The following ERC2 variants were observed in gnomAD, a reference collection of about 807,000 sequenced individuals.
ERC2 encodes the protein ERC protein 2.
ERC2 carries 42 observed loss-of-function variants against 114.8 expected under a neutral mutation model. The ratio of observed to expected loss-of-function variants is 0.37; its 90% confidence interval spans 0.29 to 0.47. ERC2 has a LOEUF of 0.47. Among genes scored for constraint, ERC2 ranks in the 20% least tolerant of loss-of-function variants. The pLI is 0.99. For missense variants in ERC2, 939 were observed against 1,150.7 expected (o/e 0.82, Z 2.66); for synonymous variants, 454 against 425.5 (o/e 1.07, Z -0.82).
intron 3 of ERC2, chr3:56,173,783 T>C (rs2082816158): frequency 1.8e-5 from 8 of 446,230 alleles, no homozygotes; most frequent in Non-Finnish European, 3.2e-5. Flanking sequence ...CAAGTAATCA[T>C]AGTCCAAATA....
intron 2 of ERC2, among the ~76,000 whole-genome samples, chr3:56,356,421 G>A (rs949963676): frequency 4.6e-5 from 7 of 152,168 alleles, no homozygotes; most frequent in African/African-American, 1.7e-4. Context: ...TCATGTAGGT[G>A]GACGGAGCCC....
At chr3:55,736,906 C>G (rs1032299356) in intron 14 of ERC2, among the ~76,000 whole-genome samples, 1 of 152,164 alleles carries the variant, frequency 6.6e-6, no homozygotes, top group African/African-American at 2.4e-5. Flanking sequence ...AATAGCTCTC[C>G]TGGGTGTGTT....
At chr3:56,417,744 A>G (rs2061223564) in intron 2 of ERC2, among the ~76,000 whole-genome samples, 1 of 152,362 alleles carries the variant, frequency 6.6e-6, no homozygotes, top group Admixed American at 6.5e-5. Context: ...AAAACAAAGC[A>G]GGAACCCAGA....
intron 2 of ERC2, among the ~76,000 whole-genome samples, chr3:56,406,116 C>T (rs1158753613): frequency 7.2e-6 from 1 of 138,752 alleles, no homozygotes; most frequent in Non-Finnish European, 1.6e-5. Flanking sequence ...TTGTCGTGAA[C>T]TCCTGGCCTC....
intron 15 of ERC2, among the ~76,000 whole-genome samples, chr3:55,721,961 G>T (rs1193918922): frequency 6.6e-6 from 1 of 152,204 alleles, no homozygotes; most frequent in Non-Finnish European, 1.5e-5. Flanking sequence ...AAATAAGCCA[G>T]CTGCAAGATA....
rs1040189717 is a variant in ERC2 at position 55,709,790 on chromosome 3, G to T, written c.2713-10278C>A. 2.6e-4 allele frequency among the ~76,000 whole-genome samples: 40 copies of T among 152,274 alleles called. 1 individual carries two copies. Among genetic ancestry groups the T allele is most frequent in the Non-Finnish European group, 7.3e-5 (5 of 68,032 alleles). On this transcript the variant is annotated intron_variant, in intron 15 of 17. Transcript: ENST00000288221. ...CAAAACATGTGGTGGGGCTGTGTTG[G>T]CCAGCACCGAGCACAGTTTTGACTC...
At chr3:55,552,173 G>C (rs1323630510) in intron 17 of ERC2, among the ~76,000 whole-genome samples, 1 of 152,136 alleles carries the variant, frequency 6.6e-6, no homozygotes, top group Admixed American at 6.5e-5. Flanking sequence ...TGCCCAAAAG[G>C]TGAGGTCTGA....
chr3:55,536,188 T>C (rs1051268134), intron 17 of ERC2, among the ~76,000 whole-genome samples: 3 of 152,158 alleles, frequency 2.0e-5, no homozygotes, highest in Admixed American at 6.5e-5. Flanking sequence ...TCTTCCATCT[T>C]CCCAGCTGCC....
intron 14 of ERC2, among the ~76,000 whole-genome samples, chr3:55,841,450 C>T (rs914838906): frequency 3.3e-5 from 5 of 152,174 alleles, no homozygotes; most frequent in African/African-American, 1.2e-4. Flanking sequence ...CCTCCCCAGC[C>T]ATGTAGAACT....
chr3:55,679,098 T>C (rs2061941647), intron 17 of ERC2, among the ~76,000 whole-genome samples: 1 of 152,216 alleles, frequency 6.6e-6, no homozygotes, highest in Non-Finnish European at 1.5e-5. Flanking sequence ...TCCTCTGATG[T>C]CTGCTCAGTT....
intron 1 of ERC2, among the ~76,000 whole-genome samples, chr3:56,458,512 G>A (rs1042110000): frequency 1.3e-5 from 2 of 152,154 alleles, no homozygotes; most frequent in Admixed American, 6.5e-5. Flanking sequence ...AACAAAAAAG[G>A]TGAAGAATTC....
intron 14 of ERC2, among the ~76,000 whole-genome samples, chr3:55,849,546 A>G (rs1483520789): frequency 6.6e-6 from 1 of 152,126 alleles, no homozygotes; most frequent in Non-Finnish European, 1.5e-5. Context: ...CCTTCTCTCA[A>G]ATTTGGATGT....
intron 16 of ERC2, among the ~76,000 whole-genome samples, chr3:55,686,623 G>A (rs943959758): frequency 6.6e-6 from 1 of 152,072 alleles, no homozygotes; most frequent in African/African-American, 2.4e-5. Flanking sequence ...GTAAATTTGG[G>A]GACCCAAAAA....
At position 56,208,080 on chromosome 3, in the gene ERC2, C is replaced by T. The variant is rs548695439; in HGVS notation, c.1075-34560G>A. ...CAAAGTCGACTGTAGTAATTTGATC[C>T]CCAAAATGCATGAAGAATTTATCAG... On this transcript the variant is annotated intron_variant, in intron 3 of 17. Coordinates refer to ENST00000288221, the MANE Select transcript of ERC2 (RefSeq NM_015576.3). Among the ~76,000 whole-genome samples, 4 of 152,238 alleles carry T rather than the reference C, an allele frequency of 2.6e-5. No individual in the cohort carries two copies. In the South Asian group the frequency reaches 8.3e-4, roughly 32 times the overall value.
intron 15 of ERC2, among the ~76,000 whole-genome samples, chr3:55,734,170 G>A (rs2065476383): frequency 6.6e-6 from 1 of 152,086 alleles, no homozygotes; most frequent in Non-Finnish European, 1.5e-5. Context: ...GGCCTAGAGG[G>A]GTGAAAACAC....
At chr3:55,727,152 C>T (rs1330155003) in intron 15 of ERC2, among the ~76,000 whole-genome samples, 3 of 152,016 alleles carry the variant, frequency 2.0e-5, no homozygotes, top group African/African-American at 4.8e-5. Flanking sequence ...GATGTCAGTC[C>T]TTTTTTCAAG....
intron 2 of ERC2, among the ~76,000 whole-genome samples, chr3:56,371,479 C>T (rs1193108076): frequency 6.6e-6 from 1 of 152,218 alleles, no homozygotes; most frequent in East Asian, 1.9e-4. Context: ...TGTAAGCTTC[C>T]TCTCTTGTTA....
At chr3:56,291,190 T>C (rs1448640094) in intron 3 of ERC2, among the ~76,000 whole-genome samples, 1 of 152,208 alleles carries the variant, frequency 6.6e-6, no homozygotes, top group Non-Finnish European at 1.5e-5. Flanking sequence ...AACTTCTAGA[T>C]GGAACAATAT....
At chr3:55,643,593 T>G (rs2060274522) in intron 17 of ERC2, among the ~76,000 whole-genome samples, 1 of 152,216 alleles carries the variant, frequency 6.6e-6, no homozygotes, top group Admixed American at 6.5e-5. Flanking sequence ...ATAATGATAA[T>G]TCCTACCTCA....
Sources: gnomAD v4.1 joint callset for allele counts (sites outside exome capture counted in the v4.1 genomes callset) on GRCh38, gnomAD v4.1.1 for gene constraint, MANE v1.5 for transcripts, NCBI Gene and HGNC (gene_info 2026-07-23, HGNC 2026-07-21) for gene names.